The following THAP6 variants were observed in gnomAD, a reference collection of about 807,000 sequenced individuals.
THAP6 encodes THAP domain containing 6, also known as THAP domain-containing protein 6.
A neutral mutation model predicts 20.0 loss-of-function variants in THAP6; 13 were observed. That is an observed-to-expected ratio of 0.65 (90% CI 0.42 to 1.03). The LOEUF (loss-of-function observed/expected upper bound fraction) is 1.03, where lower values mean the gene tolerates loss of function less well. Among genes scored for constraint, THAP6 ranks in the 50% least tolerant of loss-of-function variants. The pLI is 0.00. For synonymous variants in THAP6, 93 were observed against 92.2 expected, an observed-to-expected ratio of 1.01 and a Z score of -0.05; for missense variants, 262 against 261.6, an observed-to-expected ratio of 1.00 and a Z score of -0.01.
At chr4:75,521,249 C>T (rs1258622139) in intron 3 of THAP6, among the ~76,000 whole-genome samples, 1 of 151,398 alleles carries the variant, frequency 6.6e-6, no homozygotes, top group Non-Finnish European at 1.5e-5. Context: ...TTTTTTCTAC[C>T]TCCTCATGGT....
intron 2 of THAP6, among the ~76,000 whole-genome samples, chr4:75,538,038 A>G (rs1726910832): frequency 6.6e-6 from 1 of 152,250 alleles, no homozygotes; most frequent in Admixed American, 6.5e-5. Context: ...GGCTAAGACA[A>G]TATCAGAGAA....
chr4:75,542,264 A>G (rs1423956747), intron 2 of THAP6: 3 of 571,364 alleles, frequency 5.3e-6, no homozygotes, highest in Non-Finnish European at 9.4e-6. Context: ...AGAACCTCAC[A>G]ATACAGCTTT....
chr4:75,532,862 A>T (rs1726728458), downstream of THAP6, among the ~76,000 whole-genome samples: 1 of 152,102 alleles, frequency 6.6e-6, no homozygotes, highest in African/African-American at 2.4e-5. Context: ...TGCACACAAC[A>T]CGGGGACCCT....
chr4:75,527,447 G>C lies in THAP6; in HGVS notation c.*233G>C. 7.6e-7 allele frequency: 1 copy of C among 1,308,052 alleles called. No individual in the cohort carries two copies. The highest frequency in any genetic ancestry group is 1.5e-5 in the African/African-American group (1 of 67,682). The allele number at this position is 1,308,052 out of a possible 1,614,324, so 81.0% of individuals were successfully genotyped here. A position where few individuals can be genotyped will look rare whatever the true frequency, so the allele number is the denominator to read the frequency against. On this transcript the variant is annotated 3_prime_UTR_variant, in exon 5 of 5. Coordinates refer to ENST00000311638, the MANE Select transcript of THAP6 (RefSeq NM_144721.6). Reference sequence around the variant, plus strand: ...TTTTATAGACCTACACTAGTGCCAGGTCACTATTGTAAGATGTTAAAATCT... The same window carrying C: ...TTTTATAGACCTACACTAGTGCCAGCTCACTATTGTAAGATGTTAAAATCT...
chr4:75,525,279 G>C (rs1298190892), intron 4 of THAP6, among the ~76,000 whole-genome samples: 1 of 151,994 alleles, frequency 6.6e-6, no homozygotes, highest in Non-Finnish European at 1.5e-5. Context: ...ATATTAGGCT[G>C]TCTGAAATTG....
chr4:75,545,755 G>A (rs1333122091), intron 3 of THAP6, among the ~76,000 whole-genome samples: 1 of 152,198 alleles, frequency 6.6e-6, no homozygotes, highest in Non-Finnish European at 1.5e-5. Flanking sequence ...CCGCAGTTGT[G>A]ACCACAGATG....
Position 75,521,843 on chromosome 4 carries a change from C to G in THAP6, c.396C>G (p.Phe132Leu). Residue 132 changes from phenylalanine to leucine, a missense_variant, in exon 4 of 5, where the codon TTC becomes TTG. Coordinates refer to ENST00000311638, the MANE Select transcript of THAP6 (RefSeq NM_144721.6). The part of the protein sequence containing the change: ...LVGASSCIEE[F>L]QSQFIFEHSY... ...GTGCTTCCTCATGTATTGAAGAATT[C>G]CAATCCCAGTTCATTTTTGTAAGTA... 6.2e-7 allele frequency: 1 copy of G among 1,613,388 alleles called. No individual in the cohort carries two copies. The highest frequency in any genetic ancestry group is 8.5e-7 in the Non-Finnish European group (1 of 1,179,542).
At chr4:75,517,221 T>TTGGC in intron 3 of THAP6, 1 of 367,066 alleles carries the variant, frequency 2.7e-6, no homozygotes, top group South Asian at 3.8e-5. Context: ...TTTCACCATC[T>TTGGC]TGGCCAGGCT....
upstream of THAP6, chr4:75,514,329 A>C: frequency 6.3e-7 from 1 of 1,587,648 alleles, no homozygotes; most frequent in Non-Finnish European, 8.6e-7. Flanking sequence ...TTCCCCCAGG[A>C]TAAAAACCAC....
intron 2 of THAP6, 33 bp downstream of exon 2, chr4:75,515,565 T>C: frequency 6.2e-6 from 10 of 1,600,238 alleles, no homozygotes; most frequent in Non-Finnish European, 8.6e-6. Context: ...CCAAATACTT[T>C]GGCCATGTTA....
Position 75,515,519 on chromosome 4 carries a change from C to T in THAP6, c.67C>T (p.Leu23=), listed in dbSNP as rs1271330084. 1.9e-6 allele frequency: 3 copies of T among 1,613,784 alleles called. No homozygotes were observed. The African/African-American group carries it at 4.0e-5, about 22-fold the overall frequency. The change falls in exon 2 of 5, where the codon CTG becomes TTG. Residue 23 remains leucine (L), a synonymous_variant. Transcript: ENST00000311638. The part of the protein sequence containing the change: ...RCLPNSKLKG[L]TFHVFPTDEN... ...CTTGCCAAATTCGAAGTTAAAAGGA[C>T]TGACATTTCACGTGTAAGATTTTGC...
chr4:75,529,157 G>C lies in THAP6; in HGVS notation c.*1943G>C. 1.0e-6 allele frequency: 1 copy of C among 983,100 alleles called. No homozygotes were observed. 60.9% of individuals were successfully genotyped at this position (983,100 alleles called of 1,614,324 possible). A position where few individuals can be genotyped will look rare whatever the true frequency, so the allele number is the denominator to read the frequency against. On this transcript the variant is annotated 3_prime_UTR_variant, in exon 5 of 5. Transcript: ENST00000311638. ...ATGGAAAGTTTGGGTATGATCTTAG[G>C]TTTTATGGAGATGTTTTCAATAGAG...
At chr4:75,526,463 C>T (rs1430597589) in intron 4 of THAP6, among the ~76,000 whole-genome samples, 1 of 152,038 alleles carries the variant, frequency 6.6e-6, no homozygotes, top group Non-Finnish European at 1.5e-5. Context: ...CCATAATAAA[C>T]ACCAAGAGGA....
intron 2 of THAP6, among the ~76,000 whole-genome samples, chr4:75,540,633 A>G (rs986037030): frequency 2.6e-5 from 4 of 152,342 alleles, no homozygotes; most frequent in South Asian, 2.1e-4. Context: ...TTAAATAAAG[A>G]GTGAAGTGTA....
At position 75,527,608 on chromosome 4, in the gene THAP6, T is replaced by C. The variant is rs17000609; in HGVS notation, c.*394T>C. 2,543 of 1,007,964 alleles carry C rather than the reference T, an allele frequency of 2.5e-3. 52 individuals carry two copies. In the African/African-American group the frequency reaches 0.041, roughly 16 times the overall value. 62.4% of individuals were successfully genotyped at this position (1,007,964 alleles called of 1,614,324 possible). The stretch of plus-strand genomic sequence containing the variant: ...TTACATGTGCTTTATGGTAAGTACA[T>C]TGAATTTTACTTTAAATGCATTTTA... On this transcript the variant is annotated 3_prime_UTR_variant, in exon 5 of 5. Coordinates refer to ENST00000311638, the MANE Select transcript of THAP6 (RefSeq NM_144721.6).
intron 3 of THAP6, among the ~76,000 whole-genome samples, chr4:75,518,252 A>G (rs1033684470): frequency 6.6e-6 from 1 of 152,250 alleles, no homozygotes; most frequent in African/African-American, 2.4e-5. Flanking sequence ...TGATTTTCTT[A>G]TAACAAATAA....
chr4:75,521,608 CT>C, intron 3 of THAP6, 127 bp from the exon 4 acceptor site: 1 of 1,046,698 alleles, frequency 9.6e-7, no homozygotes, highest in Non-Finnish European at 1.3e-6. Flanking sequence ...AATTTGCTGA[CT>C]TTTAAAAGCA....
rs894918412 is a variant in THAP6, at chr4:75,528,694, A to G, written c.*1480A>G. On this transcript the variant is annotated 3_prime_UTR_variant, in exon 5 of 5. Transcript: ENST00000311638. ...ACATCTGCGAGATCAGCGTTATGCT[A>G]AGAGGAAATCACTGAGGCCATATCT... The G allele has an allele frequency of 4.1e-6, 4 of 984,946 alleles. No homozygotes were observed. The highest frequency in any genetic ancestry group is 5.2e-4 in the Middle Eastern group (1 of 1,936). The allele number at this position is 984,946 out of a possible 1,614,324, so 61.0% of individuals were successfully genotyped here. A position where few individuals can be genotyped will look rare whatever the true frequency, so the allele number is the denominator to read the frequency against.
In THAP6 at chr4:75,527,068, C is replaced by T. The variant is rs369772476; in HGVS notation, c.523C>T (p.Arg175Ter). ...TKESLRNVLD[R>*]EKRFQKSLRK... is the part of the protein sequence containing the mutation. ...GGAAAGTCTACGGAATGTTTTAGAC[C>T]GAGAAAAACGTTTTCAGAAATCATT... The change falls in exon 5 of 5, where the codon CGA becomes TGA. Residue 175 changes from arginine (R) to a stop codon, truncating the protein, a stop_gained. Transcript: ENST00000311638. LOFTEE classifies it high-confidence loss of function. The T allele has an allele frequency of 3.0e-5, 48 of 1,613,766 alleles. No homozygotes were observed. The highest frequency in any genetic ancestry group is 1.3e-4 in the East Asian group (6 of 44,862).
Sources: gnomAD v4.1 joint callset for allele counts (sites outside exome capture counted in the v4.1 genomes callset) on GRCh38, gnomAD v4.1.1 for gene constraint, MANE v1.5 for transcripts, NCBI Gene and HGNC (gene_info 2026-07-23, HGNC 2026-07-21) for gene names.